ETV6: variants seen among roughly 807,000 people sequenced by gnomAD.
The protein encoded by ETV6 is transcription factor ETV6.
Under a neutral mutation model 51.1 loss-of-function variants are expected in ETV6, and 16 were observed. That is an observed-to-expected ratio of 0.31 (90% CI 0.21 to 0.48). The LOEUF (loss-of-function observed/expected upper bound fraction) is 0.48, where lower values mean the gene tolerates loss of function less well. Among genes scored for constraint, ETV6 ranks in the 20% least tolerant of loss-of-function variants. The probability of loss-of-function intolerance (pLI) is 0.99; values close to 1 mark genes in which losing one functional copy is unlikely to be tolerated. For missense variants in ETV6, 458 were observed against 594.8 expected, an observed-to-expected ratio of 0.77 and a Z score of 2.39; for synonymous variants, 240 against 224.1, an observed-to-expected ratio of 1.07 and a Z score of -0.64.
chr12:11,764,682 G>T lies in ETV6; in HGVS notation c.163+12103G>T, dbSNP rs548638157. On this transcript the variant is annotated intron_variant, in intron 2 of 7. Transcript: ENST00000396373. ...GTGGTCAGGAAAATCTTGACCCTTGGGGAAGGAGCTACCAGAGCTGGGTGG... is the reference window on the plus strand; with the variant it reads ...GTGGTCAGGAAAATCTTGACCCTTGTGGAAGGAGCTACCAGAGCTGGGTGG... 1.2e-4 allele frequency among the ~76,000 whole-genome samples: 19 copies of T among 152,296 alleles called. No individual in the cohort carries two copies. The South Asian group carries it at 3.9e-3, about 32-fold the overall frequency.
chr12:11,871,724 G>A (rs924530370), intron 5 of ETV6, among the ~76,000 whole-genome samples: 4 of 152,234 alleles, frequency 2.6e-5, no homozygotes, highest in Non-Finnish European at 4.4e-5. Context: ...GGGGTGAGAT[G>A]TGGGTGGGGC....
chr12:11,675,169 A>G (rs1864398933), intron 1 of ETV6, among the ~76,000 whole-genome samples: 1 of 152,038 alleles, frequency 6.6e-6, no homozygotes. Context: ...GTTTTTTTAG[A>G]TGTTCTTCTG....
At chr12:11,860,389 G>A (rs1263055942) in intron 4 of ETV6, among the ~76,000 whole-genome samples, 1 of 152,040 alleles carries the variant, frequency 6.6e-6, no homozygotes, top group Non-Finnish European at 1.5e-5. Flanking sequence ...TACATCCCCC[G>A]ACTACCTGGG....
Position 11,883,276 on chromosome 12 carries a change from C to CTTCTTCTTTTTTTT in ETV6, c.1010-1167_1010-1166insCTTCTTTTTTTTTT, listed in dbSNP as rs776231778. ...GGGAAGGTGTACATCATGTCTTCTT[C>CTTCTTCTTTTTTTT]TTTTTTTTTTTTTTTTTTTTTTTTT... On this transcript the variant is annotated intron_variant, in intron 5 of 7. Coordinates refer to ENST00000396373, the MANE Select transcript of ETV6 (RefSeq NM_001987.5). Among the ~76,000 whole-genome samples the CTTCTTCTTTTTTTT allele has an allele frequency of 1.0e-3, 80 of 79,076 alleles. 1 individual carries two copies. The highest frequency in any genetic ancestry group is 1.2e-3 in the Non-Finnish European group (54 of 46,074). 51.9% of individuals were successfully genotyped at this position (79,076 alleles called of 152,430 possible).
At chr12:11,852,891 T>A (rs1005952458) in intron 3 of ETV6, among the ~76,000 whole-genome samples, 3 of 152,200 alleles carry the variant, frequency 2.0e-5, no homozygotes, top group Admixed American at 2.0e-4. Context: ...TCTGCCTTTT[T>A]AAAACATTTT....
chr12:11,667,462 C>T (rs561902679), intron 1 of ETV6, among the ~76,000 whole-genome samples: 14 of 152,166 alleles, frequency 9.2e-5, no homozygotes, highest in South Asian at 4.2e-4. Flanking sequence ...GGAGACTATC[C>T]GCCATTTAGT....
At chr12:11,781,048 G>T (rs1290376836) in intron 2 of ETV6, among the ~76,000 whole-genome samples, 1 of 152,178 alleles carries the variant, frequency 6.6e-6, no homozygotes, top group Admixed American at 6.5e-5. Context: ...AATTCTGTTT[G>T]CATGCTAGGA....
chr12:11,784,358 C>T (rs1945451195), intron 2 of ETV6, among the ~76,000 whole-genome samples: 1 of 151,540 alleles, frequency 6.6e-6, no homozygotes, highest in Non-Finnish European at 1.5e-5. Flanking sequence ...ACCTGGGAGG[C>T]TGAGGTGGGA....
intron 2 of ETV6, among the ~76,000 whole-genome samples, chr12:11,828,364 G>T (rs2855736): frequency 6.6e-6 from 1 of 152,116 alleles, no homozygotes; most frequent in African/African-American, 2.4e-5. Context: ...AGGACTGTGC[G>T]TTTCAAATAA....
intron 1 of ETV6, among the ~76,000 whole-genome samples, chr12:11,665,571 A>G (rs1270839998): frequency 6.6e-6 from 1 of 152,228 alleles, no homozygotes; most frequent in Non-Finnish European, 1.5e-5. Context: ...GAGGACAGCC[A>G]ATGGCTATTA....
At chr12:11,679,073 A>C (rs539325899) in intron 1 of ETV6, among the ~76,000 whole-genome samples, 1 of 152,328 alleles carries the variant, frequency 6.6e-6, no homozygotes, top group South Asian at 2.1e-4. Context: ...TGACATATAA[A>C]ATTAACCATC....
chr12:11,847,545 TAAGTGGA>T (rs1946483789), intron 3 of ETV6, among the ~76,000 whole-genome samples: 1 of 152,074 alleles, frequency 6.6e-6, no homozygotes, highest in Non-Finnish European at 1.5e-5. Flanking sequence ...AAAACCAGGA[TAAGTGGA>T]AATCTCTGAA....
chr12:11,797,414 G>A (rs1344973800), intron 2 of ETV6, among the ~76,000 whole-genome samples: 1 of 152,180 alleles, frequency 6.6e-6, no homozygotes, highest in Non-Finnish European at 1.5e-5. Flanking sequence ...TTGAGAGCTG[G>A]CATCCAGCAT....
Position 11,893,359 on chromosome 12 carries a change from G to A in ETV6, c.*2313G>A, listed in dbSNP as rs948912219. The A allele has an allele frequency of 4.7e-5, 11 of 232,142 alleles. No individual in the cohort carries two copies. The highest frequency in any genetic ancestry group is 8.5e-5 in the Non-Finnish European group (10 of 117,570). The allele number at this position is 232,142 out of a possible 1,614,324, so 14.4% of individuals were successfully genotyped here. A position where few individuals can be genotyped will look rare whatever the true frequency, so the allele number is the denominator to read the frequency against. On this transcript the variant is annotated 3_prime_UTR_variant, in exon 8 of 8. Transcript: ENST00000396373. ...AGAACTCAGTCTCTTACTGTTCAAA[G>A]AATCTTAACAGTTGAATTATGGAGG...
chr12:11,699,613 A>G (rs1215742246), intron 1 of ETV6, among the ~76,000 whole-genome samples: 1 of 152,174 alleles, frequency 6.6e-6, no homozygotes, highest in Non-Finnish European at 1.5e-5. Context: ...GAGGAGAAAT[A>G]AAGTGCGGAG....
intron 1 of ETV6, among the ~76,000 whole-genome samples, chr12:11,660,729 A>G (rs574740767): frequency 1.3e-5 from 2 of 152,232 alleles, no homozygotes; most frequent in South Asian, 2.1e-4. Context: ...TTATTTCCAG[A>G]CCATTTGTCT....
intron 3 of ETV6, among the ~76,000 whole-genome samples, chr12:11,843,746 G>A (rs1249929237): frequency 2.0e-5 from 3 of 151,978 alleles, no homozygotes; most frequent in African/African-American, 4.8e-5. Context: ...CAAATTTATC[G>A]CATCTACTTC....
chr12:11,839,746 G>A (rs1439037767), intron 3 of ETV6, among the ~76,000 whole-genome samples: 2 of 152,126 alleles, frequency 1.3e-5, no homozygotes, highest in East Asian at 3.9e-4. Context: ...TGAGTGTGGT[G>A]GTGTACACCT....
At chr12:11,793,089 A>C (rs908958112) in intron 2 of ETV6, among the ~76,000 whole-genome samples, 1 of 151,976 alleles carries the variant, frequency 6.6e-6, no homozygotes, top group African/African-American at 2.4e-5. Context: ...AAAAAAAAAA[A>C]CCTTAACATA....
Sources: allele counts gnomAD v4.1 joint callset (sites outside exome capture counted in the v4.1 genomes callset), GRCh38; gene constraint gnomAD v4.1.1; transcripts MANE v1.5; gene names NCBI Gene and HGNC (gene_info 2026-07-23, HGNC 2026-07-21).